ADAM23: variants seen among roughly 807,000 people sequenced by gnomAD.
ADAM23 encodes ADAM metallopeptidase domain 23.
Under a neutral mutation model 120.1 loss-of-function variants are expected in ADAM23, and 33 were observed. That is an observed-to-expected ratio of 0.27 (90% CI 0.21 to 0.37). The LOEUF (loss-of-function observed/expected upper bound fraction) is 0.37, where lower values mean the gene tolerates loss of function less well. Among genes scored for constraint, ADAM23 ranks in the 10% least tolerant of loss-of-function variants. ADAM23 has a pLI of 1.00. For missense variants in ADAM23, 862 were observed against 1,058.2 expected (o/e 0.81, Z 2.57); for synonymous variants, 367 against 375.2 (o/e 0.98, Z 0.25).
chr2:206,542,143 G>T lies in ADAM23; in HGVS notation c.656+9G>T. 6.2e-7 allele frequency: 1 copy of T among 1,612,964 alleles called. No individual in the cohort carries two copies. The highest frequency in any genetic ancestry group is 8.5e-7 in the Non-Finnish European group (1 of 1,178,946). ...ACCTGCAATGGACTTCAGTAAGTGG[G>T]AATCTCATTGGCATTTTATTCATTG... On this transcript the variant is annotated intron_variant, in intron 5 of 25. Transcript: ENST00000264377.
chr2:206,550,805 C>G (rs1169786247), intron 9 of ADAM23, among the ~76,000 whole-genome samples: 3 of 152,032 alleles, frequency 2.0e-5, no homozygotes, highest in Admixed American at 6.6e-5. Context: ...GTTTCACCGC[C>G]TTAGCGAGGA....
intron 20 of ADAM23, 88 bp downstream of exon 20, chr2:206,588,242 C>T (rs950747038): frequency 1.2e-5 from 17 of 1,363,940 alleles, no homozygotes; most frequent in Non-Finnish European, 1.7e-5. Flanking sequence ...GAGAGATGCA[C>T]AGCTTGGAGT....
At chr2:206,582,133 C>T (rs1263400469) in intron 18 of ADAM23, among the ~76,000 whole-genome samples, 1 of 152,222 alleles carries the variant, frequency 6.6e-6, no homozygotes. Context: ...CCGCCTTGGC[C>T]TCCCAAAGTG....
chr2:206,580,326 C>A (rs1459973783), intron 18 of ADAM23, among the ~76,000 whole-genome samples: 1 of 152,106 alleles, frequency 6.6e-6, no homozygotes, highest in Non-Finnish European at 1.5e-5. Flanking sequence ...CAACTTTTCC[C>A]CATTCAGTAT....
At position 206,559,359 on chromosome 2, in the gene ADAM23, A is replaced by T. The variant is rs1697712339; in HGVS notation, c.1006-596A>T. ...AAAATAGAGAGAGAGCAGAAAGGGA[A>T]CAATTTAAATATTGTGGGTGATGCC... On this transcript the variant is annotated intron_variant, in intron 10 of 25. Transcript: ENST00000264377. 3.9e-5 allele frequency among the ~76,000 whole-genome samples: 6 copies of T among 152,334 alleles called. No individual in the cohort carries two copies. The South Asian group carries it at 1.2e-3, about 32-fold the overall frequency.
At chr2:206,523,874 C>T (rs1231036098) in intron 3 of ADAM23, among the ~76,000 whole-genome samples, 1 of 151,886 alleles carries the variant, frequency 6.6e-6, no homozygotes, top group Non-Finnish European at 1.5e-5. Flanking sequence ...AAAGAGGGAG[C>T]GGGCACGATG....
In ADAM23 at chr2:206,511,238, A is replaced by G. The variant is rs576910620; in HGVS notation, c.510-19647A>G. Among the ~76,000 whole-genome samples, 73 of 152,186 alleles carry G rather than the reference A, an allele frequency of 4.8e-4. 1 individual carries two copies. The highest frequency in any genetic ancestry group is 3.5e-3 in the South Asian group (17 of 4,820). ...TGATGTCTCTTTGAAGTCCTTTTAC[A>G]AAAGAGGTTCTTTCTATAATTTCTT... On this transcript the variant is annotated intron_variant, in intron 3 of 25. Transcript: ENST00000264377.
intron 6 of ADAM23, among the ~76,000 whole-genome samples, chr2:206,543,967 T>C (rs979748460): frequency 6.6e-6 from 1 of 152,194 alleles, no homozygotes; most frequent in Non-Finnish European, 1.5e-5. Context: ...CATTGGACTT[T>C]GGAGGCTCGG....
At position 206,573,107 on chromosome 2, in the gene ADAM23, A is replaced by G; in HGVS notation, c.1657-8A>G. On this transcript the variant is annotated splice_polypyrimidine_tract_variant and splice_region_variant and intron_variant, in intron 17 of 25. Transcript: ENST00000264377. Reference sequence around the variant, plus strand: ...TGCTAACTCTTAATATTGAATTTTGATTTGCAGTTTCAGCCACGAGGGTAT... The same window carrying G: ...TGCTAACTCTTAATATTGAATTTTGGTTTGCAGTTTCAGCCACGAGGGTAT... The G allele has an allele frequency of 6.2e-7, 1 of 1,613,846 alleles. No individual in the cohort carries two copies. The highest frequency in any genetic ancestry group is 8.5e-7 in the Non-Finnish European group (1 of 1,179,786).
intron 2 of ADAM23, among the ~76,000 whole-genome samples, chr2:206,450,440 A>G (rs1414145582): frequency 6.6e-6 from 1 of 152,206 alleles, no homozygotes; most frequent in African/African-American, 2.4e-5. Context: ...CTTCTGTGGA[A>G]TGAATTGATG....
intron 1 of ADAM23, 148 bp from the exon 2 acceptor site, chr2:206,445,159 T>C: frequency 1.6e-6 from 1 of 639,646 alleles, no homozygotes; most frequent in Non-Finnish European, 2.7e-6. Context: ...TTACTCTAGC[T>C]CTACTTCTTA....
rs1697043453 is a variant in ADAM23 at position 206,530,800 on chromosome 2, C to T, written c.510-85C>T. The T allele has an allele frequency of 2.6e-6, 3 of 1,168,402 alleles. No individual in the cohort carries two copies. In the South Asian group the frequency reaches 4.0e-5, roughly 16 times the overall value. 72.4% of individuals were successfully genotyped at this position (1,168,402 alleles called of 1,614,324 possible). The stretch of plus-strand genomic sequence containing the variant: ...TGCAGCTATTTCTGGTTTGCATGCC[C>T]CTCACGTTCATTTATTGAGCCGATT... On this transcript the variant is annotated intron_variant, in intron 3 of 25. Transcript: ENST00000264377.
intron 9 of ADAM23, among the ~76,000 whole-genome samples, chr2:206,553,411 GGGC>G (rs1697574697): frequency 6.6e-6 from 1 of 152,146 alleles, no homozygotes; most frequent in African/African-American, 2.4e-5. Context: ...ACTCCAGCCT[GGGC>G]GACAGAGTGA....
chr2:206,457,001 A>G (rs1265333577), intron 2 of ADAM23, among the ~76,000 whole-genome samples: 2 of 152,182 alleles, frequency 1.3e-5, no homozygotes, highest in African/African-American at 4.8e-5. Context: ...TGCTAATACC[A>G]TATACTATAA....
intron 20 of ADAM23, 58 bp from the exon 21 acceptor site, chr2:206,589,351 G>T: frequency 6.9e-7 from 1 of 1,453,056 alleles, no homozygotes; most frequent in Non-Finnish European, 9.4e-7. Flanking sequence ...GCACACTACT[G>T]GTTATGGATA....
intron 11 of ADAM23, 95 bp from the exon 12 acceptor site, chr2:206,561,033 G>A: frequency 4.1e-6 from 4 of 977,630 alleles, no homozygotes; most frequent in Non-Finnish European, 6.5e-6. Context: ...AGGATGGTTT[G>A]GGGGTGTTCC....
At chr2:206,497,597 C>T (rs938304877) in intron 3 of ADAM23, among the ~76,000 whole-genome samples, 5 of 152,122 alleles carry the variant, frequency 3.3e-5, no homozygotes, top group African/African-American at 9.7e-5. Flanking sequence ...TGGCACAAGA[C>T]AGGGATGCCC....
At chr2:206,592,915 T>G (rs1698452659) in intron 22 of ADAM23, among the ~76,000 whole-genome samples, 179 bp downstream of exon 22, 1 of 152,218 alleles carries the variant, frequency 6.6e-6, no homozygotes, top group African/African-American at 2.4e-5. Flanking sequence ...AAGTTGTATA[T>G]TGACTTGCAG....
intron 2 of ADAM23, among the ~76,000 whole-genome samples, chr2:206,472,336 G>A (rs956278308): frequency 9.2e-5 from 14 of 152,104 alleles, no homozygotes; most frequent in Admixed American, 5.9e-4. Context: ...TCGGCTGGGC[G>A]AAGTGGCTCA....
Sources: gnomAD v4.1 joint callset for allele counts (sites outside exome capture counted in the v4.1 genomes callset) on GRCh38, gnomAD v4.1.1 for gene constraint, MANE v1.5 for transcripts, NCBI Gene and HGNC (gene_info 2026-07-23, HGNC 2026-07-21) for gene names.